Variants in SHROOM3 observed in about 807,000 individuals in gnomAD.
The protein encoded by SHROOM3 is shroom family member 3, also known as protein Shroom3.
In SHROOM3, 47 loss-of-function variants were observed where a neutral mutation model predicts 138.6. The observed-to-expected ratio is 0.34, with a 90% confidence interval of 0.27 to 0.43. The LOEUF (loss-of-function observed/expected upper bound fraction) is 0.43. SHROOM3 is among the 20% of genes least tolerant of loss of function. The pLI is 1.00. For missense variants in SHROOM3, 2,491 were observed against 2,596.5 expected (o/e 0.96, Z 0.88); for synonymous variants, 1,062 against 1,063.3 (o/e 1.00, Z 0.02).
intron 3 of SHROOM3, among the ~76,000 whole-genome samples, chr4:76,717,548 C>T (rs1338695521): frequency 2.0e-5 from 3 of 151,726 alleles, no homozygotes; most frequent in Non-Finnish European, 4.4e-5. Context: ...CTTTTTTTCT[C>T]CTTGCCTTTC....
intron 2 of SHROOM3, among the ~76,000 whole-genome samples, chr4:76,594,890 A>G (rs1471491597): frequency 6.6e-6 from 1 of 152,224 alleles, no homozygotes; most frequent in Non-Finnish European, 1.5e-5. Flanking sequence ...AAACCCACTA[A>G]GACCAACTCA....
chr4:76,634,951 T>G (rs1735448034), intron 2 of SHROOM3, among the ~76,000 whole-genome samples: 1 of 152,174 alleles, frequency 6.6e-6, no homozygotes, highest in Non-Finnish European at 1.5e-5. Context: ...TGACTATCCA[T>G]TAATTCCAGC....
intron 4 of SHROOM3, among the ~76,000 whole-genome samples, chr4:76,731,350 G>T (rs917310285): frequency 2.0e-5 from 3 of 152,108 alleles, no homozygotes; most frequent in Non-Finnish European, 4.4e-5. Flanking sequence ...TTCAATTAAG[G>T]TAATTTGTCC....
chr4:76,458,405 C>T lies in SHROOM3; in HGVS notation c.168+22185C>T, dbSNP rs546623623. Among the ~76,000 whole-genome samples, 230 of 152,246 alleles carry T rather than the reference C, an allele frequency of 1.5e-3. 1 individual carries two copies. Among genetic ancestry groups the T allele is most frequent in the African/African-American group, 5.3e-3 (221 of 41,544 alleles). On this transcript the variant is annotated intron_variant, in intron 1 of 10. Transcript: ENST00000296043. The stretch of plus-strand genomic sequence containing the variant: ...CTTTTTCTGAAGTCTCTACAATGAA[C>T]ATGTAATCTTGTTAGAGTAATGGTT...
chr4:76,590,509 C>CTT (rs34593122), intron 2 of SHROOM3, among the ~76,000 whole-genome samples: 10,032 of 137,446 alleles, frequency 0.073, 395 homozygotes, highest in East Asian at 0.18. Context: ...AAGAATGGTG[C>CTT]TTTTTTTTTT....
chr4:76,520,208 T>C (rs1314310661), intron 1 of SHROOM3, among the ~76,000 whole-genome samples: 1 of 152,194 alleles, frequency 6.6e-6, no homozygotes, highest in Non-Finnish European at 1.5e-5. Flanking sequence ...TCTTTGATAT[T>C]ATATCTCTTT....
At chr4:76,452,242 A>G (rs952084506) in intron 1 of SHROOM3, among the ~76,000 whole-genome samples, 1 of 152,220 alleles carries the variant, frequency 6.6e-6, no homozygotes, top group South Asian at 2.1e-4. Context: ...AAAATTAACC[A>G]TTTTAGCCAT....
chr4:76,673,917 A>G (rs1043114939), intron 2 of SHROOM3, among the ~76,000 whole-genome samples: 16 of 152,178 alleles, frequency 1.1e-4, no homozygotes, highest in Non-Finnish European at 1.9e-4. Context: ...TTGTTGCCTA[A>G]GCTAGACTGC....
chr4:76,435,973 C>T lies in SHROOM3; in HGVS notation c.-80C>T. The T allele has an allele frequency of 6.7e-7, 1 of 1,497,482 alleles. No individual in the cohort carries two copies. The highest frequency in any genetic ancestry group is 9.2e-7 in the Non-Finnish European group (1 of 1,086,968). 92.8% of individuals were successfully genotyped at this position (1,497,482 alleles called of 1,614,324 possible). A position where few individuals can be genotyped will look rare whatever the true frequency, so the allele number is the denominator to read the frequency against. On this transcript the variant is annotated 5_prime_UTR_variant, in exon 1 of 11. An upstream open reading frame in the 5' UTR gains an earlier in-frame stop. Transcript: ENST00000296043. Reference sequence around the variant, plus strand: ...CCATTGTGTGTCCTGAAGGATGGGACAACTTGTGCTGTAGAAGCACTGCTT... The same window carrying T: ...CCATTGTGTGTCCTGAAGGATGGGATAACTTGTGCTGTAGAAGCACTGCTT...
rs544560102 is a variant in SHROOM3, at chr4:76,780,256, A to G, written c.*1079A>G. ...ACTGATTTTGCTTTATCATGTTTCAATAATAACATTTCAGAGGTTACTCTG... is the reference window on the plus strand; with the variant it reads ...ACTGATTTTGCTTTATCATGTTTCAGTAATAACATTTCAGAGGTTACTCTG... On this transcript the variant is annotated 3_prime_UTR_variant, in exon 11 of 11. Transcript: ENST00000296043. 3 of 152,352 alleles carry G rather than the reference A, an allele frequency of 2.0e-5. No individual in the cohort carries two copies. The highest frequency in any genetic ancestry group is 7.2e-5 in the African/African-American group (3 of 41,584). The allele number at this position is 152,352 out of a possible 1,614,324, so 9.4% of individuals were successfully genotyped here.
At chr4:76,736,875 C>T (rs941097836) in intron 4 of SHROOM3, among the ~76,000 whole-genome samples, 2 of 152,158 alleles carry the variant, frequency 1.3e-5, no homozygotes, top group African/African-American at 4.8e-5. Context: ...TTCAGCAACC[C>T]CCACCAGAGT....
intron 2 of SHROOM3, among the ~76,000 whole-genome samples, chr4:76,589,991 C>T (rs896311802): frequency 3.9e-5 from 6 of 152,192 alleles, no homozygotes; most frequent in African/African-American, 1.4e-4. Context: ...AAATACCATG[C>T]GGTTCTCCTT....
chr4:76,633,788 T>G (rs935081335), intron 2 of SHROOM3, among the ~76,000 whole-genome samples: 1 of 152,204 alleles, frequency 6.6e-6, no homozygotes, highest in Non-Finnish European at 1.5e-5. Flanking sequence ...ATAGTATGTT[T>G]AAATAATAGC....
intron 2 of SHROOM3, among the ~76,000 whole-genome samples, chr4:76,556,351 T>A (rs112747654): frequency 2.0e-5 from 3 of 152,198 alleles, no homozygotes; most frequent in Non-Finnish European, 4.4e-5. Context: ...GGGATGGGAA[T>A]TGAATTATTT....
intron 1 of SHROOM3, among the ~76,000 whole-genome samples, chr4:76,445,095 C>CAA (rs35001806): frequency 3.5e-4 from 42 of 119,568 alleles, no homozygotes; most frequent in African/African-American, 6.6e-4. Flanking sequence ...GACATTGTCT[C>CAA]AAAAAAAAAA....
At chr4:76,690,350 A>T (rs926304418) in intron 2 of SHROOM3, among the ~76,000 whole-genome samples, 2 of 152,110 alleles carry the variant, frequency 1.3e-5, no homozygotes, top group African/African-American at 4.8e-5. Context: ...TTCCTCTAGG[A>T]TGTATTTTGG....
At chr4:76,749,200 C>T (rs911659468) in intron 6 of SHROOM3, 110 bp downstream of exon 6, 15 of 1,070,938 alleles carry the variant, frequency 1.4e-5, no homozygotes, top group South Asian at 2.6e-5. Context: ...GTGTCACATG[C>T]TTTTTTGATT....
chr4:76,592,210 A>G (rs1485154971), intron 2 of SHROOM3, among the ~76,000 whole-genome samples: 1 of 152,192 alleles, frequency 6.6e-6, no homozygotes, highest in Non-Finnish European at 1.5e-5. Context: ...GTGTTTGGGA[A>G]AGAGCTGGGA....
At chr4:76,618,808 T>C (rs2110065070) in intron 2 of SHROOM3, among the ~76,000 whole-genome samples, 1 of 152,378 alleles carries the variant, frequency 6.6e-6, no homozygotes, top group South Asian at 2.1e-4. Context: ...ATGTCCTTTA[T>C]AGCTTATTTT....
Sources: gnomAD v4.1 joint callset for allele counts (sites outside exome capture counted in the v4.1 genomes callset) on GRCh38, gnomAD v4.1.1 for gene constraint, MANE v1.5 for transcripts, NCBI Gene and HGNC (gene_info 2026-07-23, HGNC 2026-07-21) for gene names.